ZCCHC2: variants seen among roughly 807,000 people sequenced by gnomAD.
ZCCHC2 encodes the protein zinc finger CCHC-type containing 2.
A neutral mutation model predicts 103.6 loss-of-function variants in ZCCHC2; 39 were observed. The ratio of observed to expected loss-of-function variants is 0.38; its 90% confidence interval spans 0.29 to 0.49. The LOEUF is 0.49. ZCCHC2 is among the 20% of genes least tolerant of loss of function. ZCCHC2 has a pLI of 0.96. For missense variants in ZCCHC2, 1,483 were observed against 1,491.0 expected, an observed-to-expected ratio of 0.99 and a Z score of 0.09; for synonymous variants, 687 against 608.9, an observed-to-expected ratio of 1.13 and a Z score of -1.89.
chr18:62,530,234 A>T (rs896693210), intron 1 of ZCCHC2, among the ~76,000 whole-genome samples: 1 of 152,182 alleles, frequency 6.6e-6, no homozygotes, highest in African/African-American at 2.4e-5. Context: ...AATGATAGCC[A>T]TGTTTAGTAG....
At chr18:62,550,633 CTAGTTTCATCATTG>C (rs1380321796) in intron 5 of ZCCHC2, among the ~76,000 whole-genome samples, 173 bp downstream of exon 5, 1 of 152,226 alleles carries the variant, frequency 6.6e-6, no homozygotes, top group Non-Finnish European at 1.5e-5. Context: ...AGATACCAAA[CTAGTTTCATCATTG>C]TACTCTTCAG....
intron 1 of ZCCHC2, among the ~76,000 whole-genome samples, chr18:62,528,730 T>C (rs1278097027): frequency 2.6e-5 from 4 of 152,218 alleles, no homozygotes; most frequent in Non-Finnish European, 5.9e-5. Context: ...AAAAGAGTTT[T>C]AACATCAACG....
At chr18:62,564,705 C>A (rs1451553133) in intron 10 of ZCCHC2, 70 bp downstream of exon 10, 4 of 1,144,808 alleles carry the variant, frequency 3.5e-6, no homozygotes, top group Non-Finnish European at 4.9e-6. Flanking sequence ...TGATAGTATA[C>A]AACATAGTAT....
chr18:62,582,618 G>T (rs1917065723), downstream of ZCCHC2, among the ~76,000 whole-genome samples: 1 of 152,026 alleles, frequency 6.6e-6, no homozygotes, highest in Admixed American at 6.6e-5. Flanking sequence ...GGCGGAGGTT[G>T]CAGTGAGTTG....
chr18:62,550,230 T>A, intron 4 of ZCCHC2, 118 bp from the exon 5 acceptor site: 1 of 746,614 alleles, frequency 1.3e-6, no homozygotes, highest in South Asian at 1.8e-5. Context: ...GAAAACAAAC[T>A]GCTTTTGGGA....
chr18:62,523,481 G>C lies in ZCCHC2; in HGVS notation c.57G>C (p.Glu19Asp). The part of the protein sequence containing the change: ...KPTHPAEPPP[E>D]AEEPEADARP... ...CGCACCCCGCGGAGCCGCCGCCCGAGGCGGAGGAGCCCGAGGCGGACGCGC... is the reference window on the plus strand; with the variant it reads ...CGCACCCCGCGGAGCCGCCGCCCGACGCGGAGGAGCCCGAGGCGGACGCGC... The change falls in exon 1 of 14, where the codon GAG (glutamate) becomes GAC (aspartate). Residue 19 changes from glutamate (E) to aspartate (D), a missense_variant. This residue lies in a region of ZCCHC2 where 568 missense variants were observed against 525.1 expected (regional missense o/e 1.08). Coordinates refer to ENST00000269499, the MANE Select transcript of ZCCHC2 (RefSeq NM_017742.6). 1 of 1,068,172 alleles carries C rather than the reference G, an allele frequency of 9.4e-7. No individual in the cohort carries two copies. The highest frequency in any genetic ancestry group is 1.7e-5 in the African/African-American group (1 of 57,804). 66.2% of individuals were successfully genotyped at this position (1,068,172 alleles called of 1,614,324 possible).
chr18:62,573,254 G>T (rs2145534589), intron 12 of ZCCHC2, among the ~76,000 whole-genome samples: 1 of 152,216 alleles, frequency 6.6e-6, no homozygotes, highest in Admixed American at 6.5e-5. Context: ...CAGTGTCTGG[G>T]TCTATGATGT....
intron 9 of ZCCHC2, among the ~76,000 whole-genome samples, chr18:62,563,990 A>G (rs1916234511): frequency 6.6e-6 from 1 of 152,210 alleles, no homozygotes; most frequent in African/African-American, 2.4e-5. Context: ...TGTTACAAGT[A>G]TGGAATGAAA....
intron 4 of ZCCHC2, among the ~76,000 whole-genome samples, chr18:62,547,785 C>T (rs185348652): frequency 2.1e-4 from 32 of 152,242 alleles, no homozygotes. Context: ...TGATCTTGAA[C>T]TCCTGAGATC....
chr18:62,584,341 T>A (rs1917118304), intron 14 of ZCCHC2: 1 of 152,154 alleles, frequency 6.6e-6, no homozygotes, highest in Non-Finnish European at 1.5e-5. Context: ...CACCAGAAGC[T>A]CTCAATCCCA....
intron 11 of ZCCHC2, among the ~76,000 whole-genome samples, chr18:62,566,704 A>G (rs890550582): frequency 6.6e-6 from 1 of 152,188 alleles, no homozygotes; most frequent in Non-Finnish European, 1.5e-5. Flanking sequence ...TTGGTCAGAG[A>G]CAGTTAGGGT....
intron 4 of ZCCHC2, among the ~76,000 whole-genome samples, chr18:62,548,398 T>C (rs2145504454): frequency 6.6e-6 from 1 of 152,312 alleles, no homozygotes; most frequent in South Asian, 2.1e-4. Context: ...ACGTGAACAG[T>C]GTCACTGAAC....
intron 4 of ZCCHC2, among the ~76,000 whole-genome samples, chr18:62,548,476 G>A (rs1225621661): frequency 6.6e-6 from 1 of 152,190 alleles, no homozygotes; most frequent in African/African-American, 2.4e-5. Context: ...AGTTGAAATA[G>A]ACTTTTCACT....
intron 4 of ZCCHC2, among the ~76,000 whole-genome samples, chr18:62,549,800 A>T (rs930941658): frequency 1.3e-5 from 2 of 152,224 alleles, no homozygotes; most frequent in East Asian, 3.8e-4. Flanking sequence ...GTTTTTATAT[A>T]AATAAGTAAT....
At chr18:62,538,260 C>CAAAAA (rs35609138) in intron 1 of ZCCHC2, among the ~76,000 whole-genome samples, 6 of 122,618 alleles carry the variant, frequency 4.9e-5, no homozygotes, top group East Asian at 4.8e-4. Context: ...GACCCTGTCT[C>CAAAAA]AAAAAAAAAA....
chr18:62,536,203 A>G (rs759762886), intron 1 of ZCCHC2, among the ~76,000 whole-genome samples: 51 of 152,328 alleles, frequency 3.3e-4, no homozygotes, highest in Non-Finnish European at 6.5e-4. Context: ...CACCTGAACC[A>G]CATGCCGTGT....
At chr18:62,530,208 TGAGAA>T (rs553340987) in intron 1 of ZCCHC2, among the ~76,000 whole-genome samples, 141 of 152,284 alleles carry the variant, frequency 9.3e-4, no homozygotes, top group African/African-American at 3.3e-3. Flanking sequence ...ATAGAGGCTA[TGAGAA>T]GACCTTGAAG....
chr18:62,567,284 C>T (rs1916409962), intron 11 of ZCCHC2, among the ~76,000 whole-genome samples: 1 of 152,188 alleles, frequency 6.6e-6, no homozygotes, highest in Admixed American at 6.5e-5. Context: ...TATGGAACAA[C>T]AGCTCATATC....
chr18:62,524,650 C>T (rs1764141875), intron 1 of ZCCHC2: 2 of 422,490 alleles, frequency 4.7e-6, no homozygotes, highest in East Asian at 3.8e-5. Context: ...CGTGGAGCTC[C>T]CCGCCCGGGG....
Sources: allele counts gnomAD v4.1 joint callset (sites outside exome capture counted in the v4.1 genomes callset), GRCh38; gene constraint gnomAD v4.1.1; regional missense constraint gnomAD v4.1.1; transcripts MANE v1.5; gene names NCBI Gene and HGNC (gene_info 2026-07-23, HGNC 2026-07-21).